PLXNB1: variants seen among roughly 807,000 people sequenced by gnomAD.
PLXNB1 encodes plexin B1.
PLXNB1 carries 106 observed loss-of-function variants against 209.4 expected under a neutral mutation model. The ratio of observed to expected loss-of-function variants is 0.51; its 90% CI spans 0.43 to 0.59. PLXNB1 has a LOEUF of 0.59. Ranked by LOEUF, PLXNB1 falls within the 20% of genes least tolerant of loss-of-function variation. The pLI is 0.00. For missense variants in PLXNB1, 2,357 were observed against 2,853.2 expected, an observed-to-expected ratio of 0.83 and a Z score of 3.96; for synonymous variants, 1,167 against 1,183.2, an observed-to-expected ratio of 0.99 and a Z score of 0.28.
chr3:48,429,718 C>T lies in PLXNB1; in HGVS notation c.-60+290G>A, dbSNP rs965525940. ...GCCCGGAGGGGTGAGGAGTGAACCC[C>T]GGGAGCCAGAGCCGCCCCGCCCCGT... On this transcript the variant is annotated intron_variant, in intron 1 of 37. Coordinates refer to ENST00000296440, the MANE Select transcript of PLXNB1 (RefSeq NM_001130082.3). The surrounding 1 kb of genome is among the most constrained non-coding windows in gnomAD (Gnocchi z 6.4). Among the ~76,000 whole-genome samples, 2 of 152,134 alleles carry T rather than the reference C, an allele frequency of 1.3e-5. No homozygotes were observed. The highest frequency in any genetic ancestry group is 2.4e-5 in the African/African-American group (1 of 41,522).
In PLXNB1 at chr3:48,415,411, C is replaced by A; in HGVS notation, c.3795-64G>T. ...TATGTTACCTGGACCTAAAGCACAG[C>A]CCAGTCCCGGCTAGGTCAGCTCAGC... On this transcript the variant is annotated intron_variant, in intron 19 of 37. Transcript: ENST00000296440. This position sits in a 1 kb window ranked among gnomAD's most constrained non-coding sequence, Gnocchi z 5.0. 1 of 1,544,130 alleles carries A rather than the reference C, an allele frequency of 6.5e-7. No homozygotes were observed.
Position 48,409,315 on chromosome 3 carries a change from C to A in PLXNB1, c.6087+14G>T, listed in dbSNP as rs756934771. 7 of 1,613,806 alleles carry A rather than the reference C, an allele frequency of 4.3e-6. No individual in the cohort carries two copies. The African/African-American group carries it at 9.3e-5, about 22-fold the overall frequency. On this transcript the variant is annotated intron_variant, in intron 34 of 37. Coordinates refer to ENST00000296440, the MANE Select transcript of PLXNB1 (RefSeq NM_001130082.3). This position sits in a 1 kb window ranked among gnomAD's most constrained non-coding sequence, Gnocchi z 5.8. The stretch of plus-strand genomic sequence containing the variant: ...CCTCACCCATCCCCCCGTGTCCATC[C>A]CAGACTCGCTCACCCGGCCCAGCTT...
In PLXNB1 at chr3:48,405,790, G is replaced by C; in HGVS notation, c.6237C>G (p.Ser2079=). 6.2e-7 allele frequency: 1 copy of C among 1,613,318 alleles called. No homozygotes were observed. ...SVLAELSWNY[S]GDLGARVALH... The stretch of plus-strand genomic sequence containing the variant: ...GGGCCACTCGCGCCCCGAGGTCTCC[G>C]GAGTAGTTCTAGGGAAGAGGCCAAA... Residue 2079 remains serine (S), a synonymous_variant, in exon 37 of 38, where the codon TCC becomes TCG. Coordinates refer to ENST00000296440, the MANE Select transcript of PLXNB1 (RefSeq NM_001130082.3). The surrounding 1 kb of genome is among the most constrained non-coding windows in gnomAD (Gnocchi z 5.0).
At position 48,420,751 on chromosome 3, in the gene PLXNB1, G is replaced by A. The variant is rs555355943; in HGVS notation, c.1942C>T (p.Arg648Cys). Residue 648 changes from arginine to cysteine, a missense_variant, in exon 10 of 38, where the codon CGC (arginine) becomes TGC (cysteine). By Grantham distance (180) the Arg-to-Cys change is radical. This residue lies in a region of PLXNB1 where 214 missense variants were observed against 297.1 expected (regional missense o/e 0.72). Transcript: ENST00000296440. Reference protein sequence around the residue: ...SAQCQACVSSRWGCNWCVWQH... With the variant: ...SAQCQACVSSCWGCNWCVWQH... ...CAGACACACCAGTTACACCCCCAGCGGCTGCTCACACAGGCCTGGCACCTG... is the reference window on the plus strand; with the variant it reads ...CAGACACACCAGTTACACCCCCAGCAGCTGCTCACACAGGCCTGGCACCTG... 1.3e-4 allele frequency: 209 copies of A among 1,614,098 alleles called. No individual in the cohort carries two copies. The South Asian group carries it at 2.1e-3, about 16-fold the overall frequency.
Position 48,406,826 on chromosome 3 carries a change from G to A in PLXNB1, c.6225C>T (p.Ser2075=). ...QEMNSVLAEL[S]WNYSGDLGAR... ...AAGAAGCAGAGGGAGGCCTTACCCA[G>A]GACAGTTCAGCCAGGACAGAGTTCA... The change falls in exon 36 of 38, where the codon TCC becomes TCT. Residue 2075 remains serine, a synonymous_variant. Coordinates refer to ENST00000296440, the MANE Select transcript of PLXNB1 (RefSeq NM_001130082.3). This position sits in a 1 kb window ranked among gnomAD's most constrained non-coding sequence, Gnocchi z 4.4. The A allele has an allele frequency of 2.5e-6, 4 of 1,608,066 alleles. No individual in the cohort carries two copies. The highest frequency in any genetic ancestry group is 3.4e-6 in the Non-Finnish European group (4 of 1,177,118).
intron 1 of PLXNB1, among the ~76,000 whole-genome samples, 158 bp from the exon 2 acceptor site, chr3:48,425,491 C>G (rs975730448): frequency 2.6e-5 from 4 of 151,936 alleles, no homozygotes; most frequent in African/African-American, 9.7e-5. Context: ...CCACCAAACA[C>G]ATTCCACAGA....
Position 48,413,239 on chromosome 3 carries a change from C to T in PLXNB1, c.4536-70G>A. 6 of 1,186,526 alleles carry T rather than the reference C, an allele frequency of 5.1e-6. No individual in the cohort carries two copies. The highest frequency in any genetic ancestry group is 5.0e-6 in the Non-Finnish European group (4 of 803,588). The allele number at this position is 1,186,526 out of a possible 1,614,324, so 73.5% of individuals were successfully genotyped here. A position where few individuals can be genotyped will look rare whatever the true frequency, so the allele number is the denominator to read the frequency against. On this transcript the variant is annotated intron_variant, in intron 23 of 37. Transcript: ENST00000296440. The surrounding 1 kb of genome is among the most constrained non-coding windows in gnomAD (Gnocchi z 5.4). ...CTCGCCCAGGCCTGCCTGACAATCC[C>T]CAGGCACACCCCGGCCTCATCCAGC...
rs61729211 is a variant in PLXNB1 at position 48,410,040 on chromosome 3, G to A, written c.5643C>T (p.Ile1881=). 1,581 of 1,608,924 alleles carry A rather than the reference G, an allele frequency of 9.8e-4. 13 individuals carry two copies. In the African/African-American group the frequency reaches 0.019, roughly 19 times the overall value. The change falls in exon 32 of 38, where the codon ATC becomes ATT. Residue 1881 remains isoleucine, a synonymous_variant. Coordinates refer to ENST00000296440, the MANE Select transcript of PLXNB1 (RefSeq NM_001130082.3). The surrounding 1 kb of genome is among the most constrained non-coding windows in gnomAD (Gnocchi z 6.4). ...PMLEDVDEGG[I]RPWHLVKPSD... ...TTGGCTTCACCAGGTGCCAGGGCCG[G>A]ATGCCCCCCTCATCTACATCCTCCA...
chr3:48,425,085 G>C (rs1342805742), intron 2 of PLXNB1, among the ~76,000 whole-genome samples, 196 bp downstream of exon 2: 1 of 152,222 alleles, frequency 6.6e-6, no homozygotes, highest in Non-Finnish European at 1.5e-5. Flanking sequence ...TTAGAATCAA[G>C]ACAAGAGTTG....
At position 48,411,796 on chromosome 3, in the gene PLXNB1, C is replaced by G; in HGVS notation, c.5247+67G>C. 1 of 1,560,852 alleles carries G rather than the reference C, an allele frequency of 6.4e-7. No homozygotes were observed. Among genetic ancestry groups the G allele is most frequent in the Non-Finnish European group, 8.7e-7 (1 of 1,144,766 alleles). On this transcript the variant is annotated intron_variant, in intron 28 of 37. Transcript: ENST00000296440. The surrounding 1 kb of genome is among the most constrained non-coding windows in gnomAD (Gnocchi z 4.0). ...GAAGCTGGTGTCCAGACCCCACACA[C>G]CCACACACTCTCCACCCTCGCCCTC...
chr3:48,423,544 G>C lies in PLXNB1; in HGVS notation c.1068C>G (p.Ile356Met). Residue 356 changes from isoleucine (I) to methionine (M), a missense_variant, in exon 3 of 38, where the codon ATC becomes ATG. Ile to Met is a conservative substitution (Grantham distance 10, BLOSUM62 1). Transcript: ENST00000296440. ...RAEDGTEVAY[I>M]EYDVNSDCAQ... ...CACAGTCAGAATTGACATCATACTC[G>C]ATGTAGGCCACCTCGGTCCCATCCT... 6.2e-7 allele frequency: 1 copy of C among 1,614,138 alleles called. No homozygotes were observed. The highest frequency in any genetic ancestry group is 8.5e-7 in the Non-Finnish European group (1 of 1,180,014).
In PLXNB1 at chr3:48,424,144, T is replaced by A; in HGVS notation, c.468A>T (p.Val156=). Residue 156 remains valine, a synonymous_variant, in exon 3 of 38, where the codon GTA becomes GTT. Coordinates refer to ENST00000296440, the MANE Select transcript of PLXNB1 (RefSeq NM_001130082.3). The part of the protein sequence containing the change: ...NDPAVSTVGL[V]AQGLAGEPLL... ...GGGGCTCCCCTGCCAAGCCCTGGGC[T>A]ACCAGCCCCACCGTGCTGACCGCAG... is the stretch of plus-strand genomic sequence containing the variant. The A allele has an allele frequency of 6.4e-7, 1 of 1,564,926 alleles. No homozygotes were observed. Among genetic ancestry groups the A allele is most frequent in the Non-Finnish European group, 8.7e-7 (1 of 1,155,150 alleles).
chr3:48,415,673 C>A lies in PLXNB1; in HGVS notation c.3704G>T (p.Gly1235Val). ...GCGTTGAAGCCTCCGCTCCGTGGCC[C>A]CAAACCACACAGCCACAGGGAGCGT... The part of the protein sequence containing the change: ...PATLPVAVWF[G>V]ATERRLQRGQ... The change falls in exon 19 of 38, where the codon GGG becomes GTG. Residue 1235 changes from glycine (G) to valine (V), a missense_variant. Around this residue, in one of 7 missense-constraint regions of PLXNB1, gnomAD observed 743 missense variants for 896.2 expected, o/e 0.83. Transcript: ENST00000296440. This position sits in a 1 kb window ranked among gnomAD's most constrained non-coding sequence, Gnocchi z 5.0. 6.4e-7 allele frequency: 1 copy of A among 1,562,576 alleles called. No homozygotes were observed. The highest frequency in any genetic ancestry group is 8.7e-7 in the Non-Finnish European group (1 of 1,152,708).
chr3:48,424,526 G>A lies in PLXNB1; in HGVS notation c.86C>T (p.Thr29Ile). 8.1e-6 allele frequency: 13 copies of A among 1,595,714 alleles called. No individual in the cohort carries two copies. The highest frequency in any genetic ancestry group is 1.1e-5 in the Non-Finnish European group (13 of 1,171,496). ...TLQPLPPTAF[T>I]PNGTYLQHLA... ...GTGCTGCAGATACGTGCCATTGGGA[G>A]TGAATGCAGTTGGTGGAAGGGGCTG... Residue 29 changes from threonine (T) to isoleucine (I), a missense_variant, in exon 3 of 38, where the codon ACT (threonine) becomes ATT (isoleucine). Thr to Ile is a moderately conservative substitution (Grantham distance 89, BLOSUM62 -1). Coordinates refer to ENST00000296440, the MANE Select transcript of PLXNB1 (RefSeq NM_001130082.3).
Position 48,409,616 on chromosome 3 carries a change from T to G in PLXNB1, c.5894A>C (p.His1965Pro). 1 of 1,613,902 alleles carries G rather than the reference T, an allele frequency of 6.2e-7. No homozygotes were observed. The highest frequency in any genetic ancestry group is 8.5e-7 in the Non-Finnish European group (1 of 1,179,970). ...GATGGTGTCCTGGTCGGAGATGCCA[T>G]GCTGCTGGGCCTGCTCATCCAGCAG... ...FDLLDEQAQQ[H>P]GISDQDTIHI... Residue 1965 changes from histidine to proline, a missense_variant, in exon 33 of 38, where the codon CAT becomes CCT. Physicochemically the swap from His to Pro is moderately conservative, Grantham distance 77. Around this residue, in one of 7 missense-constraint regions of PLXNB1, gnomAD observed 414 missense variants for 520.5 expected, o/e 0.80. Transcript: ENST00000296440. The surrounding 1 kb of genome is among the most constrained non-coding windows in gnomAD (Gnocchi z 5.8).
rs546908494 is a variant in PLXNB1 at position 48,406,843 on chromosome 3, C to G, written c.6208G>C (p.Val2070Leu). ...VPASDQEMNS[V>L]LAELSWNYSG... The stretch of plus-strand genomic sequence containing the variant: ...CTTACCCAGGACAGTTCAGCCAGGA[C>G]AGAGTTCATCTCTTGGTCGCTGGCT... The change falls in exon 36 of 38, where the codon GTC becomes CTC. Residue 2070 changes from valine to leucine, a missense_variant. Physicochemically the swap from Val to Leu is conservative, Grantham distance 32. Transcript: ENST00000296440. The surrounding 1 kb of genome is among the most constrained non-coding windows in gnomAD (Gnocchi z 4.4). 3 of 1,611,894 alleles carry G rather than the reference C, an allele frequency of 1.9e-6. No individual in the cohort carries two copies. The highest frequency in any genetic ancestry group is 1.1e-5 in the South Asian group (1 of 90,648).
chr3:48,418,482 G>A lies in PLXNB1; in HGVS notation c.3016C>T (p.Arg1006Cys), dbSNP rs777825603. The change falls in exon 14 of 38, where the codon CGT becomes TGT. Residue 1006 changes from arginine (R) to cysteine (C), a missense_variant. Transcript: ENST00000296440. The surrounding 1 kb of genome is among the most constrained non-coding windows in gnomAD (Gnocchi z 6.6). ...RVGLFLRRAG[R>C]LRVDSAEGLH... Reference sequence around the variant, plus strand: ...CCCTCAGCACTGTCCACACGCAGACGGCCGGCCCGACGCAGAAACAGCCCC... The same window carrying A: ...CCCTCAGCACTGTCCACACGCAGACAGCCGGCCCGACGCAGAAACAGCCCC... 1.9e-5 allele frequency: 30 copies of A among 1,612,634 alleles called. No homozygotes were observed. The highest frequency in any genetic ancestry group is 2.7e-5 in the African/African-American group (2 of 74,900).
At chr3:48,420,562 G>T in intron 10 of PLXNB1, 103 bp downstream of exon 10, 1 of 925,548 alleles carries the variant, frequency 1.1e-6, no homozygotes, top group Non-Finnish European at 1.7e-6. Flanking sequence ...CTGGTGCTCA[G>T]GACAGAGCCT....
At position 48,418,932 on chromosome 3, in the gene PLXNB1, G is replaced by A; in HGVS notation, c.2940C>T (p.Thr980=). 1.9e-6 allele frequency: 3 copies of A among 1,614,026 alleles called. No individual in the cohort carries two copies. The highest frequency in any genetic ancestry group is 1.7e-4 in the Middle Eastern group (1 of 6,060). ...EPPPDTQCHV[T]CQQHQLSYEA... ...TGGTGTGCACCTGGTGCTGCTGGCA[G>A]GTGACATGGCACTGGGTATCTGGAG... is the stretch of plus-strand genomic sequence containing the variant. Residue 980 remains threonine (T), a synonymous_variant, in exon 13 of 38, where the codon ACC becomes ACT. Coordinates refer to ENST00000296440, the MANE Select transcript of PLXNB1 (RefSeq NM_001130082.3). This position sits in a 1 kb window ranked among gnomAD's most constrained non-coding sequence, Gnocchi z 6.6.
Sources: gnomAD v4.1 joint callset for allele counts (sites outside exome capture counted in the v4.1 genomes callset) on GRCh38, gnomAD v4.1.1 for gene constraint, gnomAD v4.1.1 regional missense constraint, Gnocchi (gnomAD v3.1) non-coding constraint, MANE v1.5 for transcripts, NCBI Gene and HGNC (gene_info 2026-07-23, HGNC 2026-07-21) for gene names.